The following IL1RAPL2 variants were observed in gnomAD, a reference collection of about 807,000 sequenced individuals.
The protein encoded by IL1RAPL2 is X-linked interleukin-1 receptor accessory protein-like 2.
A neutral mutation model predicts 44.1 loss-of-function variants in IL1RAPL2; 3 were observed. That is an observed-to-expected ratio of 0.07 (90% CI 0.03 to 0.18). The LOEUF is 0.18. Ranked by LOEUF, IL1RAPL2 falls within the 10% of genes least tolerant of loss-of-function variation. The pLI, the probability that IL1RAPL2 is intolerant of heterozygous loss-of-function variation, is 1.00. For synonymous variants in IL1RAPL2, 181 were observed against 178.8 expected (o/e 1.01, Z -0.10); for missense variants, 391 against 496.4 (o/e 0.79, Z 2.02).
intron 4 of IL1RAPL2, among the ~76,000 whole-genome samples, chrX:105,241,383 A>G (rs1377741658): frequency 8.9e-6 from 1 of 111,898 alleles, no homozygotes. Flanking sequence ...TTTCCAAACA[A>G]TCTGTCTCTT....
chrX:105,536,724 C>T (rs747154204), intron 6 of IL1RAPL2, among the ~76,000 whole-genome samples: 166 of 111,922 alleles, frequency 1.5e-3, no homozygotes, highest in Non-Finnish European at 2.6e-3. Context: ...TCTATTTCAC[C>T]ACAGCCTCAG....
At chrX:104,633,790 C>T (rs750292791) in intron 1 of IL1RAPL2, among the ~76,000 whole-genome samples, 3 of 111,114 alleles carry the variant, frequency 2.7e-5, no homozygotes, top group South Asian at 7.8e-4. Flanking sequence ...TTCAAAAAAC[C>T]AGCCCCTGGA....
chrX:105,213,079 G>A (rs1489852356), intron 3 of IL1RAPL2, among the ~76,000 whole-genome samples: 7 of 110,638 alleles, frequency 6.3e-5, no homozygotes, highest in African/African-American at 2.0e-4. Context: ...TTCTCCAAGT[G>A]ATTGCCACTC....
At chrX:105,489,813 C>CTCTCTCTCTCTCTT (rs2036301610) in intron 6 of IL1RAPL2, among the ~76,000 whole-genome samples, 1 of 101,207 alleles carries the variant, frequency 9.9e-6, no homozygotes. Context: ...CTCTCTCTCT[C>CTCTCTCTCTCTCTT]TCTCTCTCTT....
At chrX:105,151,605 T>C (rs1249442099) in intron 2 of IL1RAPL2, among the ~76,000 whole-genome samples, 2 of 110,374 alleles carry the variant, frequency 1.8e-5, no homozygotes, top group Non-Finnish European at 3.8e-5. Context: ...AAAGGAAAAC[T>C]CCACTTCCTC....
intron 5 of IL1RAPL2, among the ~76,000 whole-genome samples, chrX:105,346,685 T>C (rs762810693): frequency 2.1e-4 from 24 of 111,667 alleles, no homozygotes; most frequent in Non-Finnish European, 3.8e-5. Flanking sequence ...CTAGCTGAGA[T>C]AGAGCTGGCT....
chrX:105,200,096 C>T (rs182189895), intron 3 of IL1RAPL2, among the ~76,000 whole-genome samples: 1 of 111,679 alleles, frequency 9.0e-6, no homozygotes, highest in African/African-American at 3.2e-5. Context: ...CTTAATTTGA[C>T]AATGTCAGTA....
intron 2 of IL1RAPL2, among the ~76,000 whole-genome samples, chrX:105,126,163 G>A (rs1269809617): frequency 2.7e-5 from 3 of 110,802 alleles, no homozygotes; most frequent in South Asian, 7.4e-4. Flanking sequence ...TCCTAGTTAA[G>A]CCTCTGTAGC....
chrX:105,102,803 C>A (rs1275824047), intron 2 of IL1RAPL2, among the ~76,000 whole-genome samples: 1 of 111,523 alleles, frequency 9.0e-6, no homozygotes, highest in South Asian at 3.8e-4. Context: ...TGATATGAAC[C>A]TGGTGCTGGC....
At position 105,749,027 on chromosome X, in the gene IL1RAPL2, G is replaced by A. The variant is rs1409758600; in HGVS notation, c.1116G>A (p.Val372=). ...GAIFLLLVLL[V]VIYKCYNIEL... is the part of the protein sequence containing the mutation. Reference sequence around the variant, plus strand: ...TCTTCCTCCTCCTTGTACTGCTGGTGGTCATTTACAAATGCTACAACATTG... The same window carrying A: ...TCTTCCTCCTCCTTGTACTGCTGGTAGTCATTTACAAATGCTACAACATTG... Residue 372 remains valine, a synonymous_variant, in exon 9 of 11, where the codon GTG becomes GTA. Coordinates refer to ENST00000372582, the MANE Select transcript of IL1RAPL2 (RefSeq NM_017416.2). 8.3e-7 allele frequency: 1 copy of A among 1,208,605 alleles called. No homozygotes were observed.
intron 3 of IL1RAPL2, among the ~76,000 whole-genome samples, chrX:105,198,838 G>A (rs181088554): frequency 1.8e-5 from 2 of 111,596 alleles, no homozygotes; most frequent in South Asian, 7.4e-4. Context: ...TTAGACTGGG[G>A]TAATATGTTT....
intron 5 of IL1RAPL2, among the ~76,000 whole-genome samples, chrX:105,345,126 A>G (rs754968157): frequency 1.8e-5 from 2 of 112,044 alleles, no homozygotes; most frequent in South Asian, 7.4e-4. Flanking sequence ...AAATACTTTT[A>G]GACGACTAAT....
At chrX:104,624,564 G>C (rs1023740120) in intron 1 of IL1RAPL2, among the ~76,000 whole-genome samples, 1 of 111,401 alleles carries the variant, frequency 9.0e-6, no homozygotes, top group Non-Finnish European at 1.9e-5. Flanking sequence ...ACTATTGGTG[G>C]GAGTATACAT....
At chrX:104,960,655 A>G (rs1300624134) in intron 2 of IL1RAPL2, among the ~76,000 whole-genome samples, 1 of 110,961 alleles carries the variant, frequency 9.0e-6, no homozygotes, top group East Asian at 2.8e-4. Context: ...TTCCCCCCTC[A>G]TTCTTACAAC....
At chrX:105,739,672 G>A (rs370896678) in intron 7 of IL1RAPL2, among the ~76,000 whole-genome samples, 2 of 107,423 alleles carry the variant, frequency 1.9e-5, no homozygotes, top group Non-Finnish European at 3.8e-5. Flanking sequence ...TGCAAAGGAC[G>A]TGAACTCATC....
intron 2 of IL1RAPL2, among the ~76,000 whole-genome samples, chrX:105,091,106 G>A (rs1008596953): frequency 1.8e-5 from 2 of 111,828 alleles, no homozygotes; most frequent in African/African-American, 6.5e-5. Context: ...ACAAAAACTC[G>A]TATTCTAAGT....
In IL1RAPL2 at chrX:105,157,344, A is replaced by G. The variant is rs753078248; in HGVS notation, c.83-38131A>G. Among the ~76,000 whole-genome samples, 11 of 110,541 alleles carry G rather than the reference A, an allele frequency of 1.0e-4. No homozygotes were observed. The South Asian group carries it at 4.2e-3, about 43-fold the overall frequency. ...CTGCAATATTCTCTTTCTACTGCTG[A>G]CTTCCTTGTATCTTCAGCTTACATA... On this transcript the variant is annotated intron_variant, in intron 2 of 10. Transcript: ENST00000372582.
intron 5 of IL1RAPL2, among the ~76,000 whole-genome samples, chrX:105,374,100 C>G (rs1376031063): frequency 1.3e-5 from 1 of 77,108 alleles, no homozygotes; most frequent in East Asian, 4.0e-4. Flanking sequence ...GACTGGGCAA[C>G]AAGAGCAAGA....
At chrX:105,137,814 T>G (rs1390793363) in intron 2 of IL1RAPL2, among the ~76,000 whole-genome samples, 1 of 112,016 alleles carries the variant, frequency 8.9e-6, no homozygotes, top group African/African-American at 3.2e-5. Flanking sequence ...ACCTATAATC[T>G]CAACAACTTG....
Sources: gnomAD v4.1 joint callset for allele counts (sites outside exome capture counted in the v4.1 genomes callset) on GRCh38, gnomAD v4.1.1 for gene constraint, MANE v1.5 for transcripts, NCBI Gene and HGNC (gene_info 2026-07-23, HGNC 2026-07-21) for gene names.